SLC25A33: variants seen among roughly 807,000 people sequenced by gnomAD.
SLC25A33 encodes bone marrow stromal cell mitochondrial carrier protein.
In SLC25A33, 15 loss-of-function variants were observed where a neutral mutation model predicts 35.5. The observed-to-expected ratio is 0.42, with a 90% confidence interval of 0.28 to 0.65. SLC25A33 has a LOEUF of 0.65. Ranked by LOEUF, SLC25A33 falls within the 30% of genes least tolerant of loss-of-function variation. SLC25A33 has a pLI of 0.20. For missense variants in SLC25A33, 257 were observed against 398.5 expected, an observed-to-expected ratio of 0.64 and a Z score of 3.02; for synonymous variants, 136 against 148.7, an observed-to-expected ratio of 0.91 and a Z score of 0.62.
intron 3 of SLC25A33, among the ~76,000 whole-genome samples, chr1:9,567,687 A>G (rs1309055033): frequency 6.6e-6 from 1 of 152,238 alleles, no homozygotes; most frequent in African/African-American, 2.4e-5. Context: ...TTATAAACAC[A>G]CAATCCCAGG....
At chr1:9,544,264 G>C (rs999215790) in intron 1 of SLC25A33, among the ~76,000 whole-genome samples, 2 of 143,634 alleles carry the variant, frequency 1.4e-5, no homozygotes, top group Admixed American at 7.0e-5. Context: ...CTAATGGTTA[G>C]TTTTTTTTTT....
intron 1 of SLC25A33, among the ~76,000 whole-genome samples, chr1:9,549,474 A>G (rs529160887): frequency 5.3e-5 from 5 of 94,748 alleles, no homozygotes; most frequent in East Asian, 7.1e-4. Flanking sequence ...GATGGGATCA[A>G]TGGCGGGGAG....
At position 9,555,308 on chromosome 1, in the gene SLC25A33, C is replaced by T. The variant is rs547451032; in HGVS notation, c.236+1503C>T. 1.4e-4 allele frequency among the ~76,000 whole-genome samples: 21 copies of T among 151,618 alleles called. No homozygotes were observed. The East Asian group carries it at 2.3e-3, about 17-fold the overall frequency. On this transcript the variant is annotated intron_variant, in intron 2 of 6. Coordinates refer to ENST00000302692, the MANE Select transcript of SLC25A33 (RefSeq NM_032315.3). ...AATTTTTTTGTATTTTTAGTAGAGA[C>T]GGGGTTTCACCATGTTAGCCAGGAT...
At chr1:9,556,321 T>C in intron 2 of SLC25A33, 1 of 901,714 alleles carries the variant, frequency 1.1e-6, no homozygotes, top group African/African-American at 1.8e-5. Context: ...GACTAGTGAA[T>C]TTGGATTTAC....
chr1:9,574,959 A>G (rs895642145), intron 5 of SLC25A33, among the ~76,000 whole-genome samples: 2 of 152,062 alleles, frequency 1.3e-5, no homozygotes, highest in African/African-American at 4.8e-5. Flanking sequence ...CACACCTGTA[A>G]TCCCAGCACT....
intron 1 of SLC25A33, among the ~76,000 whole-genome samples, chr1:9,552,765 T>C (rs1297852649): frequency 1.3e-5 from 2 of 152,078 alleles, no homozygotes; most frequent in Admixed American, 6.6e-5. Context: ...TTGGAAATGA[T>C]GAAGCAGGTG....
At position 9,582,715 on chromosome 1, in the gene SLC25A33, TAA is replaced by T. The variant is rs539477831; in HGVS notation, c.*215_*216del. The T allele has an allele frequency of 2.9e-4, 158 of 554,354 alleles. No homozygotes were observed. Among genetic ancestry groups the T allele is most frequent in the African/African-American group, 2.8e-3 (146 of 53,026 alleles). The allele number at this position is 554,354 out of a possible 1,614,324, so 34.3% of individuals were successfully genotyped here. ...GTTAATTATAACTTTTTTTTTAACTTAAGAGGATTCAGGGTTAAGCACCAACT... is the reference window on the plus strand; with the variant it reads ...GTTAATTATAACTTTTTTTTTAACTTGAGGATTCAGGGTTAAGCACCAACT... On this transcript the variant is annotated 3_prime_UTR_variant, in exon 7 of 7. Coordinates refer to ENST00000302692, the MANE Select transcript of SLC25A33 (RefSeq NM_032315.3). The surrounding 1 kb of genome is among the most constrained non-coding windows in gnomAD (Gnocchi z 4.0).
chr1:9,546,963 A>G (rs1643181315), intron 1 of SLC25A33, among the ~76,000 whole-genome samples: 1 of 152,186 alleles, frequency 6.6e-6, no homozygotes, highest in Non-Finnish European at 1.5e-5. Context: ...CTTCAGTGTA[A>G]TTCTGGATCC....
chr1:9,557,422 G>A (rs994008874), intron 2 of SLC25A33, among the ~76,000 whole-genome samples: 1 of 152,052 alleles, frequency 6.6e-6, no homozygotes, highest in Non-Finnish European at 1.5e-5. Context: ...GGCTGGGCAC[G>A]GTGGCTCATG....
At chr1:9,571,994 C>T (rs1643597066) in intron 4 of SLC25A33, among the ~76,000 whole-genome samples, 1 of 152,160 alleles carries the variant, frequency 6.6e-6, no homozygotes, top group Admixed American at 6.6e-5. Flanking sequence ...ATTTGCATCT[C>T]CTACCAGTCT....
chr1:9,553,576 T>C (rs767564845), intron 1 of SLC25A33, 50 bp from the exon 2 acceptor site: 2 of 1,587,996 alleles, frequency 1.3e-6, no homozygotes, highest in South Asian at 2.2e-5. Flanking sequence ...AGCATTCCAT[T>C]GTGTAGGGAA....
chr1:9,571,043 C>G (rs1449792811), intron 4 of SLC25A33, among the ~76,000 whole-genome samples: 4 of 151,394 alleles, frequency 2.6e-5, no homozygotes, highest in African/African-American at 9.8e-5. Context: ...ATTAGAGTTT[C>G]TTTCTTCAGA....
At chr1:9,551,944 A>G (rs927578536) in intron 1 of SLC25A33, among the ~76,000 whole-genome samples, 3 of 152,206 alleles carry the variant, frequency 2.0e-5, no homozygotes, top group African/African-American at 7.2e-5. Flanking sequence ...GACATTGTTA[A>G]TTATAACTAG....
intron 2 of SLC25A33, among the ~76,000 whole-genome samples, chr1:9,559,455 G>A (rs868534089): frequency 6.6e-6 from 1 of 151,614 alleles, no homozygotes; most frequent in African/African-American, 2.4e-5. Context: ...AAAAGCTGCT[G>A]TCATTATAAT....
chr1:9,545,680 C>T (rs1045675657), intron 1 of SLC25A33, among the ~76,000 whole-genome samples: 1 of 149,504 alleles, frequency 6.7e-6, no homozygotes, highest in South Asian at 2.2e-4. Flanking sequence ...GGATTACAGG[C>T]GTGAGCCACC....
At chr1:9,559,385 T>G (rs1643388610) in intron 2 of SLC25A33, among the ~76,000 whole-genome samples, 1 of 152,172 alleles carries the variant, frequency 6.6e-6, no homozygotes, top group Non-Finnish European at 1.5e-5. Context: ...GCATGAGTTT[T>G]GGCATGTCAG....
At chr1:9,552,646 A>G (rs892420291) in intron 1 of SLC25A33, among the ~76,000 whole-genome samples, 12 of 152,216 alleles carry the variant, frequency 7.9e-5, no homozygotes, top group African/African-American at 2.9e-4. Context: ...ATACTTTTCT[A>G]GAGTATTCAT....
chr1:9,547,898 C>A (rs1643204179), intron 1 of SLC25A33, among the ~76,000 whole-genome samples: 1 of 151,782 alleles, frequency 6.6e-6, no homozygotes, highest in South Asian at 2.1e-4. Context: ...GTCACCCACG[C>A]TGGAGTGCAG....
chr1:9,553,454 C>T (rs1373979113), intron 1 of SLC25A33, among the ~76,000 whole-genome samples, 172 bp from the exon 2 acceptor site: 2 of 151,754 alleles, frequency 1.3e-5, no homozygotes, highest in South Asian at 2.1e-4. Flanking sequence ...AGGATGGTCT[C>T]GATCTGCTGA....
Sources: gnomAD v4.1 joint callset for allele counts (sites outside exome capture counted in the v4.1 genomes callset) on GRCh38, gnomAD v4.1.1 for gene constraint, Gnocchi (gnomAD v3.1) non-coding constraint, MANE v1.5 for transcripts, NCBI Gene and HGNC (gene_info 2026-07-23, HGNC 2026-07-21) for gene names.